The following RABGAP1L variants were observed in gnomAD, a reference collection of about 807,000 sequenced individuals.
RABGAP1L encodes RAB GTPase activating protein 1 like, also known as rab GTPase-activating protein 1-like.
In RABGAP1L, 63 loss-of-function variants were observed where a neutral mutation model predicts 137.7. The observed-to-expected ratio is 0.46, with a 90% CI of 0.37 to 0.56. The LOEUF is 0.56. Among genes scored for constraint, RABGAP1L ranks in the 20% least tolerant of loss-of-function variants. The pLI is 0.00. For missense variants in RABGAP1L, 1,095 were observed against 1,244.0 expected (o/e 0.88, Z 1.80); for synonymous variants, 431 against 433.7 (o/e 0.99, Z 0.08).
intron 3 of RABGAP1L, among the ~76,000 whole-genome samples, chr1:174,230,747 G>A (rs780014566): frequency 1.3e-5 from 2 of 152,108 alleles, no homozygotes; most frequent in African/African-American, 4.8e-5. Context: ...GGTGTGACTC[G>A]GTTCCCAAGC....
At chr1:174,846,788 C>G (rs1458442929) in intron 19 of RABGAP1L, among the ~76,000 whole-genome samples, 3 of 72,804 alleles carry the variant, frequency 4.1e-5, no homozygotes, top group Non-Finnish European at 1.0e-4. Flanking sequence ...TCCTTGTTGA[C>G]TTTCTGTCTC....
At chr1:174,372,093 T>G (rs974568878) in intron 12 of RABGAP1L, among the ~76,000 whole-genome samples, 2 of 152,206 alleles carry the variant, frequency 1.3e-5, no homozygotes, top group South Asian at 4.1e-4. Context: ...TTTCATTTTA[T>G]GTATCCTTAC....
chr1:174,943,568 G>T (rs558277268), intron 19 of RABGAP1L, among the ~76,000 whole-genome samples: 11 of 152,304 alleles, frequency 7.2e-5, no homozygotes, highest in African/African-American at 2.4e-4. Flanking sequence ...GGGTGCGGTG[G>T]CTCATGCCTG....
chr1:174,982,108 G>A (rs1021258921), intron 23 of RABGAP1L, among the ~76,000 whole-genome samples: 1 of 152,086 alleles, frequency 6.6e-6, no homozygotes, highest in Non-Finnish European at 1.5e-5. Flanking sequence ...TTATTTTCTG[G>A]TCATTTTAAC....
intron 19 of RABGAP1L, among the ~76,000 whole-genome samples, chr1:174,919,025 T>C (rs866640483): frequency 0.044 from 6,612 of 150,618 alleles, 486 homozygotes; most frequent in African/African-American, 0.15. Context: ...TTTTCTTTTT[T>C]TTTTTTTTTT....
chr1:174,358,338 A>T (rs1399417443), intron 11 of RABGAP1L, among the ~76,000 whole-genome samples: 1 of 152,238 alleles, frequency 6.6e-6, no homozygotes, highest in East Asian at 1.9e-4. Flanking sequence ...TAGTTGGCAC[A>T]GTGGAGTTCT....
Position 174,683,611 on chromosome 1 carries a change from G to T in RABGAP1L, c.1899+15G>T. 1 of 1,584,860 alleles carries T rather than the reference G, an allele frequency of 6.3e-7. No individual in the cohort carries two copies. The highest frequency in any genetic ancestry group is 1.3e-5 in the African/African-American group (1 of 74,230). On this transcript the variant is annotated intron_variant, in intron 15 of 25. Coordinates refer to ENST00000681986, the MANE Select transcript of RABGAP1L (RefSeq NM_001366446.1). The stretch of plus-strand genomic sequence containing the variant: ...TACTGCTGCATGTAAGTAATGGTCC[G>T]TGTGATAAATAGCACAGTGCTGCCA...
intron 13 of RABGAP1L, among the ~76,000 whole-genome samples, chr1:174,564,728 A>G (rs1444103069): frequency 1.3e-5 from 2 of 152,224 alleles, no homozygotes; most frequent in East Asian, 1.9e-4. Flanking sequence ...TTCCTGGCTT[A>G]GAGATGTCAA....
intron 13 of RABGAP1L, among the ~76,000 whole-genome samples, chr1:174,414,136 A>G (rs1336121881): frequency 6.6e-6 from 1 of 152,174 alleles, no homozygotes; most frequent in African/African-American, 2.4e-5. Context: ...GTAGCTACAT[A>G]TATTTCGTGC....
intron 13 of RABGAP1L, among the ~76,000 whole-genome samples, chr1:174,575,314 A>G (rs1357934030): frequency 6.6e-6 from 1 of 152,112 alleles, no homozygotes; most frequent in Non-Finnish European, 1.5e-5. Context: ...ACCATTTTCC[A>G]AAGTGTTTAT....
chr1:174,194,908 A>G (rs1211867877), intron 1 of RABGAP1L, among the ~76,000 whole-genome samples: 1 of 152,208 alleles, frequency 6.6e-6, no homozygotes, highest in Non-Finnish European at 1.5e-5. Context: ...ACATTGAATC[A>G]CAAGTGATTT....
At chr1:174,504,387 C>A (rs1363275105) in intron 13 of RABGAP1L, among the ~76,000 whole-genome samples, 1 of 150,682 alleles carries the variant, frequency 6.6e-6, no homozygotes, top group Non-Finnish European at 1.5e-5. Context: ...CCTGTTTAGA[C>A]CCTGAATAGC....
intron 19 of RABGAP1L, among the ~76,000 whole-genome samples, chr1:174,901,729 C>T (rs549802554): frequency 3.3e-5 from 5 of 152,286 alleles, no homozygotes; most frequent in Admixed American, 6.5e-5. Flanking sequence ...GAAGTGTTAA[C>T]GGTCATTTGG....
chr1:174,787,168 C>T (rs535635744), intron 18 of RABGAP1L, among the ~76,000 whole-genome samples: 29 of 152,092 alleles, frequency 1.9e-4, no homozygotes, highest in African/African-American at 5.8e-4. Flanking sequence ...TTTGGGAGGC[C>T]GAGGTGGGTG....
chr1:174,935,984 C>CAAAAAAAA (rs58215269), intron 19 of RABGAP1L, among the ~76,000 whole-genome samples: 6 of 43,188 alleles, frequency 1.4e-4, no homozygotes, highest in Admixed American at 3.2e-4. Context: ...TCCATCTCAC[C>CAAAAAAAA]AAAAAAAAAA....
intron 11 of RABGAP1L, among the ~76,000 whole-genome samples, chr1:174,335,893 A>C (rs181228708): frequency 6.6e-6 from 1 of 152,274 alleles, no homozygotes; most frequent in East Asian, 1.9e-4. Flanking sequence ...GAGATGACAA[A>C]ATAATTCTAT....
chr1:174,299,222 T>C (rs1571974428), intron 10 of RABGAP1L, among the ~76,000 whole-genome samples: 1 of 152,248 alleles, frequency 6.6e-6, no homozygotes, highest in East Asian at 1.9e-4. Flanking sequence ...ACCTTTTAAG[T>C]CTGAGCCTAA....
intron 11 of RABGAP1L, among the ~76,000 whole-genome samples, chr1:174,353,422 C>T (rs1683361349): frequency 6.6e-6 from 1 of 152,136 alleles, no homozygotes; most frequent in Non-Finnish European, 1.5e-5. Context: ...ATCTAGATCA[C>T]TTGCACCTCA....
intron 4 of RABGAP1L, among the ~76,000 whole-genome samples, chr1:174,233,081 T>C (rs72711501): frequency 0.23 from 34,868 of 151,992 alleles, 4,460 homozygotes; most frequent in Non-Finnish European, 0.27. Flanking sequence ...TGTTCTTACA[T>C]GGTGGAAGAG....
Sources: allele counts gnomAD v4.1 joint callset (sites outside exome capture counted in the v4.1 genomes callset), GRCh38; gene constraint gnomAD v4.1.1; transcripts MANE v1.5; gene names NCBI Gene and HGNC (gene_info 2026-07-23, HGNC 2026-07-21).